The following SLC30A7 variants were observed in gnomAD, a reference collection of about 807,000 sequenced individuals.
SLC30A7 encodes solute carrier family 30 member 7.
SLC30A7 carries 35 observed loss-of-function variants against 46.0 expected under a neutral mutation model. The observed-to-expected ratio is 0.76, with a 90% CI of 0.58 to 1.01. The LOEUF is 1.01. Ranked by LOEUF, SLC30A7 falls within the 50% of genes least tolerant of loss-of-function variation. The probability of loss-of-function intolerance (pLI) is 0.00; values close to 1 mark genes in which losing one functional copy is unlikely to be tolerated. For missense variants in SLC30A7, 464 were observed against 451.1 expected (o/e 1.03, Z -0.26); for synonymous variants, 147 against 157.8 (o/e 0.93, Z 0.51).
intron 8 of SLC30A7, among the ~76,000 whole-genome samples, chr1:100,922,262 G>A (rs1235028929): frequency 2.6e-5 from 4 of 151,920 alleles, no homozygotes; most frequent in Non-Finnish European, 4.4e-5. Context: ...CACCGCACCC[G>A]GCCAGATACC....
rs1404370777 is a variant in SLC30A7 at position 100,911,706 on chromosome 1, T to G, written c.385-406T>G. Among the ~76,000 whole-genome samples, 6 of 152,118 alleles carry G rather than the reference T, an allele frequency of 3.9e-5. No homozygotes were observed. The East Asian group carries it at 1.2e-3, about 29-fold the overall frequency. ...CTTGGATTACAGGAGCCCACCACCA[T>G]GCCCAGCTAATTTTTTTTTATTTTT... On this transcript the variant is annotated intron_variant, in intron 4 of 10. Transcript: ENST00000357650.
chr1:100,968,442 C>T (rs1364421390), intron 10 of SLC30A7, among the ~76,000 whole-genome samples: 1 of 149,192 alleles, frequency 6.7e-6, no homozygotes, highest in East Asian at 2.0e-4. Flanking sequence ...GCCTGGGTGA[C>T]AGAGTGAGAC....
chr1:100,941,516 A>T, intron 8 of SLC30A7: 1 of 531,358 alleles, frequency 1.9e-6, no homozygotes, highest in Non-Finnish European at 3.6e-6. Flanking sequence ...TACAAAGGCA[A>T]AGCCTTTTTT....
In SLC30A7 at chr1:100,907,296, G is replaced by C. The variant is rs1435942918; in HGVS notation, c.296+331G>C. On this transcript the variant is annotated intron_variant, in intron 3 of 10. Coordinates refer to ENST00000357650, the MANE Select transcript of SLC30A7 (RefSeq NM_133496.5). ...TTTTTGCTTTTGCTTTTTTCTTTTT[G>C]AATGGATACTTTGCTGTTGATTTAT... 3.3e-5 allele frequency among the ~76,000 whole-genome samples: 5 copies of C among 151,532 alleles called. No individual in the cohort carries two copies. The East Asian group carries it at 9.6e-4, about 29-fold the overall frequency.
intron 9 of SLC30A7, among the ~76,000 whole-genome samples, 158 bp from the exon 10 acceptor site, chr1:100,965,611 C>T (rs746816496): frequency 2.6e-5 from 4 of 152,160 alleles, no homozygotes; most frequent in Non-Finnish European, 4.4e-5. Context: ...ATAATTAGTA[C>T]TCAAGAGTAT....
At position 100,918,113 on chromosome 1, in the gene SLC30A7, G is replaced by C; in HGVS notation, c.692G>C (p.Arg231Thr). 1 of 1,612,684 alleles carries C rather than the reference G, an allele frequency of 6.2e-7. No homozygotes were observed. The highest frequency in any genetic ancestry group is 8.5e-7 in the Non-Finnish European group (1 of 1,179,102). The change falls in exon 7 of 11, where the codon AGA becomes ACA. Residue 231 changes from arginine (R) to threonine (T), a missense_variant. Coordinates refer to ENST00000357650, the MANE Select transcript of SLC30A7 (RefSeq NM_133496.5). ...PSLKETTGPSRQILQGVFLHI... is the reference protein window; with the variant it reads ...PSLKETTGPSTQILQGVFLHI... ...TTAAAAGAAACAACAGGACCCAGCA[G>C]ACAGATTTTACAAGGTATGACAAGC...
chr1:100,922,461 T>G (rs1653009867), intron 8 of SLC30A7, among the ~76,000 whole-genome samples: 1 of 152,206 alleles, frequency 6.6e-6, no homozygotes, highest in Non-Finnish European at 1.5e-5. Context: ...GTTAGTGTAT[T>G]AATCCTTTGA....
the SLC30A7 span, among the ~76,000 whole-genome samples, chr1:100,991,387 G>A: frequency 6.6e-6 from 1 of 152,214 alleles, no homozygotes; most frequent in African/African-American, 2.4e-5. Context: ...AAACAGGAAT[G>A]CAGGAAACTT....
chr1:100,901,216 T>A (rs1651287679), intron 2 of SLC30A7, among the ~76,000 whole-genome samples: 1 of 152,230 alleles, frequency 6.6e-6, no homozygotes, highest in Admixed American at 6.5e-5. Context: ...AAATTCTTTT[T>A]ACATTTGGTT....
intron 8 of SLC30A7, among the ~76,000 whole-genome samples, chr1:100,922,703 G>C (rs1653024899): frequency 6.6e-6 from 1 of 152,200 alleles, no homozygotes; most frequent in Non-Finnish European, 1.5e-5. Flanking sequence ...AAAGATAAAT[G>C]TGTGTAGGTG....
At chr1:100,939,990 A>G (rs1654248951) in intron 8 of SLC30A7, among the ~76,000 whole-genome samples, 1 of 152,200 alleles carries the variant, frequency 6.6e-6, no homozygotes, top group Admixed American at 6.5e-5. Flanking sequence ...TAAGGAAAAA[A>G]CAAACAGGAG....
the SLC30A7 span, chr1:100,994,997 G>A: frequency 1.4e-6 from 1 of 717,962 alleles, no homozygotes; most frequent in Non-Finnish European, 2.4e-6. Flanking sequence ...TGTTCACACT[G>A]TTAATGAGAG....
intron 10 of SLC30A7, among the ~76,000 whole-genome samples, chr1:100,966,502 A>C (rs1390135130): frequency 6.6e-6 from 1 of 151,374 alleles, no homozygotes; most frequent in Non-Finnish European, 1.5e-5. Context: ...GGAGAATGGC[A>C]TGAACCCAGG....
At chr1:100,990,371 GC>G in the SLC30A7 span, 1 of 1,588,954 alleles carries the variant, frequency 6.3e-7, no homozygotes, top group Admixed American at 1.7e-5. Context: ...TCCATATATG[GC>G]TGAAATTTAC....
Position 100,911,341 on chromosome 1 carries a change from A to G in SLC30A7, c.384+191A>G, listed in dbSNP as rs560670673. Among the ~76,000 whole-genome samples, 5 of 152,312 alleles carry G rather than the reference A, an allele frequency of 3.3e-5. No homozygotes were observed. In the South Asian group the frequency reaches 8.3e-4, roughly 25 times the overall value. On this transcript the variant is annotated intron_variant, in intron 4 of 10. Coordinates refer to ENST00000357650, the MANE Select transcript of SLC30A7 (RefSeq NM_133496.5). ...ATATATATGAATCTTCTTGGAATTG[A>G]AAACAATTAAATGATAGTGCTTTAC... is the stretch of plus-strand genomic sequence containing the variant.
chr1:100,970,685 C>CAAAAA (rs11351324), intron 10 of SLC30A7, among the ~76,000 whole-genome samples: 1 of 123,446 alleles, frequency 8.1e-6, no homozygotes. Context: ...GTACAAACAG[C>CAAAAA]AAAAAAAAAA....
At position 100,904,172 on chromosome 1, in the gene SLC30A7, T is replaced by C. The variant is rs147159398; in HGVS notation, c.183-2680T>C. Among the ~76,000 whole-genome samples the C allele has an allele frequency of 8.6e-3, 1,309 of 152,310 alleles. 10 individuals carry two copies. The highest frequency in any genetic ancestry group is 0.015 in the Non-Finnish European group (996 of 68,016). On this transcript the variant is annotated intron_variant, in intron 2 of 10. Transcript: ENST00000357650. ...GGAACTAGTAAATTTGGAGCTGGGATTTGAACCCAGGTACTCTGACTTCAG... is the reference window on the plus strand; with the variant it reads ...GGAACTAGTAAATTTGGAGCTGGGACTTGAACCCAGGTACTCTGACTTCAG...
At chr1:100,986,628 C>G (rs1005587895), downstream of SLC30A7, among the ~76,000 whole-genome samples, 1 of 152,120 alleles carries the variant, frequency 6.6e-6, no homozygotes, top group Non-Finnish European at 1.5e-5. Context: ...AAATATCAGG[C>G]AAAAACCTGT....
intron 2 of SLC30A7, among the ~76,000 whole-genome samples, chr1:100,906,164 G>A (rs1449142379): frequency 6.6e-6 from 1 of 152,144 alleles, no homozygotes; most frequent in African/African-American, 2.4e-5. Flanking sequence ...TTTGTGATTA[G>A]TATTGGATTT....
Sources: gnomAD v4.1 joint callset for allele counts (sites outside exome capture counted in the v4.1 genomes callset) on GRCh38, gnomAD v4.1.1 for gene constraint, MANE v1.5 for transcripts, NCBI Gene and HGNC (gene_info 2026-07-23, HGNC 2026-07-21) for gene names.